The following SCNM1 variants were observed in gnomAD, a reference collection of about 807,000 sequenced individuals.
SCNM1 encodes the protein sodium channel modifier 1.
Under a neutral mutation model 32.8 loss-of-function variants are expected in SCNM1, and 24 were observed. The ratio of observed to expected loss-of-function variants is 0.73; its 90% confidence interval spans 0.53 to 1.03. SCNM1 has a LOEUF of 1.03. Among genes scored for constraint, SCNM1 ranks in the 50% least tolerant of loss-of-function variants. The pLI is 0.00. For synonymous variants in SCNM1, 99 were observed against 103.2 expected (o/e 0.96, Z 0.25); for missense variants, 274 against 282.3 (o/e 0.97, Z 0.21).
chr1:151,168,412 C>CTT (rs373666513), intron 6 of SCNM1, 74 bp downstream of exon 6: 496 of 1,222,086 alleles, frequency 4.1e-4, no homozygotes, highest in South Asian at 6.7e-4. Context: ...ATTGTTTTTC[C>CTT]TTTTTTTTTT....
chr1:151,167,483 G>C, intron 5 of SCNM1, 69 bp downstream of exon 5: 1 of 1,580,858 alleles, frequency 6.3e-7, no homozygotes, highest in South Asian at 1.1e-5. Flanking sequence ...GAGTTTTCCA[G>C]TGTGTATTCT....
Position 151,168,977 on chromosome 1 carries a change from T to C in SCNM1, c.594-9T>C, listed in dbSNP as rs1023260705. On this transcript the variant is annotated splice_polypyrimidine_tract_variant and intron_variant, in intron 6 of 6. Transcript: ENST00000368905. ...TCCTGATCGATGCTATTTTCTCTGA[T>C]GTTTCCAGCTCTGGATGGATCCCAG... The C allele has an allele frequency of 6.2e-7, 1 of 1,613,932 alleles. No homozygotes were observed. The highest frequency in any genetic ancestry group is 8.5e-7 in the Non-Finnish European group (1 of 1,179,978).
rs1206983205 is a variant in SCNM1, at chr1:151,169,647, G to C, written c.*562G>C. ...CTATTAATAAGACTGTCAAAAAGAG[G>C]TCTTTGCCCTTCATGTTGTCTGCCT... On this transcript the variant is annotated 3_prime_UTR_variant, in exon 7 of 7. Transcript: ENST00000368905. 1 of 205,236 alleles carries C rather than the reference G, an allele frequency of 4.9e-6. No individual in the cohort carries two copies. Among genetic ancestry groups the C allele is most frequent in the African/African-American group, 2.3e-5 (1 of 42,834 alleles). 12.7% of individuals were successfully genotyped at this position (205,236 alleles called of 1,614,324 possible).
rs1115 is a variant in SCNM1 at position 151,168,256 on chromosome 1, G to T, written c.511G>T (p.Glu171Ter). The change falls in exon 6 of 7, where the codon GAG becomes TAG. Residue 171 changes from glutamate (E) to a stop codon, truncating the protein, a stop_gained. Transcript: ENST00000368905. LOFTEE classifies it high-confidence loss of function. ...TGAACCTGCGGCTGGCCCACAGGCC[G>T]AGGAGTCAGCAACTGTCTCAGCCCC... ...EPEPAAGPQA[E>*]ESATVSAPAP... 6.2e-7 allele frequency: 1 copy of T among 1,614,046 alleles called. No homozygotes were observed. The highest frequency in any genetic ancestry group is 1.3e-5 in the African/African-American group (1 of 74,906).
At position 151,169,294 on chromosome 1, in the gene SCNM1, G is replaced by GA. The variant is rs1683864204; in HGVS notation, c.*210dup. On this transcript the variant is annotated 3_prime_UTR_variant, in exon 7 of 7. Transcript: ENST00000368905. ...GAGTCTCGCTCTATCGCCCAGGCTGGAGTGCAGTGGCACGATCTCGGCTCA... is the reference window on the plus strand; with the variant it reads ...GAGTCTCGCTCTATCGCCCAGGCTGGAAGTGCAGTGGCACGATCTCGGCTCA... 1 of 467,348 alleles carries GA rather than the reference G, an allele frequency of 2.1e-6. No homozygotes were observed. The highest frequency in any genetic ancestry group is 2.0e-5 in the African/African-American group (1 of 48,978). 29.0% of individuals were successfully genotyped at this position (467,348 alleles called of 1,614,324 possible). A position where few individuals can be genotyped will look rare whatever the true frequency, so the allele number is the denominator to read the frequency against.
At position 151,168,267 on chromosome 1, in the gene SCNM1, A is replaced by T. The variant is rs1258500246; in HGVS notation, c.522A>T (p.Ala174=). The part of the protein sequence containing the change: ...PAAGPQAEES[A]TVSAPAPMSP... ...CTGGCCCACAGGCCGAGGAGTCAGCAACTGTCTCAGCCCCTGCACCCATGA... is the reference window on the plus strand; with the variant it reads ...CTGGCCCACAGGCCGAGGAGTCAGCTACTGTCTCAGCCCCTGCACCCATGA... Residue 174 remains alanine (A), a synonymous_variant, in exon 6 of 7, where the codon GCA becomes GCT. Transcript: ENST00000368905. 6.2e-7 allele frequency: 1 copy of T among 1,614,080 alleles called. No individual in the cohort carries two copies. The highest frequency in any genetic ancestry group is 8.5e-7 in the Non-Finnish European group (1 of 1,180,038).
rs757311146 is a variant in SCNM1, at chr1:151,168,131, C to A, written c.399-13C>A. The A allele has an allele frequency of 6.3e-7, 1 of 1,591,422 alleles. No homozygotes were observed. The highest frequency in any genetic ancestry group is 8.6e-7 in the Non-Finnish European group (1 of 1,168,988). ...TCCCTTACTGCTTTTACAGACTATTCTTCTCTACCTAGACCAGAAGCCCCT... is the reference window on the plus strand; with the variant it reads ...TCCCTTACTGCTTTTACAGACTATTATTCTCTACCTAGACCAGAAGCCCCT... On this transcript the variant is annotated splice_polypyrimidine_tract_variant and intron_variant, in intron 5 of 6. Transcript: ENST00000368905.
In SCNM1 at chr1:151,166,468, C is replaced by T; in HGVS notation, c.52-3C>T. 1.2e-6 allele frequency: 2 copies of T among 1,613,998 alleles called. No homozygotes were observed. The highest frequency in any genetic ancestry group is 1.7e-6 in the Non-Finnish European group (2 of 1,179,990). On this transcript the variant is annotated splice_region_variant and splice_polypyrimidine_tract_variant and intron_variant, in intron 1 of 6. Coordinates refer to ENST00000368905, the MANE Select transcript of SCNM1 (RefSeq NM_024041.4). Reference sequence around the variant, plus strand: ...TCCGGATTTCTTCCCCTACTCCCTGCAGAAAAGAAGAGTCGGGGACCTCCT... The same window carrying T: ...TCCGGATTTCTTCCCCTACTCCCTGTAGAAAAGAAGAGTCGGGGACCTCCT...
chr1:151,167,496 G>A, intron 5 of SCNM1, 82 bp downstream of exon 5: 1 of 1,531,664 alleles, frequency 6.5e-7, no homozygotes, highest in South Asian at 1.1e-5. Flanking sequence ...TGTATTCTGA[G>A]GAATACTAGT....
chr1:151,168,328 AC>A lies in SCNM1; in HGVS notation c.586del (p.Leu196PhefsTer15). On this transcript the variant is annotated frameshift_variant, in exon 6 of 7. Coordinates refer to ENST00000368905, the MANE Select transcript of SCNM1 (RefSeq NM_024041.4). LOFTEE classifies it high-confidence loss of function. ...TRRRALDHYL[T>X]LRSSGWIPDG... Reference sequence around the variant, plus strand: ...AAGACGAGCCCTGGACCATTATCTCACCCTTCGAAGGTGAGTATGCCTAATC... The same window carrying A: ...AAGACGAGCCCTGGACCATTATCTCACCTTCGAAGGTGAGTATGCCTAATC... The A allele has an allele frequency of 1.3e-6, 2 of 1,596,388 alleles. No homozygotes were observed. The highest frequency in any genetic ancestry group is 1.7e-6 in the Non-Finnish European group (2 of 1,170,556).
In SCNM1 at chr1:151,167,225, A is replaced by G; in HGVS notation, c.309+7A>G. ...GGAAGAAACCAAAGCTGAGGTAATCAGAGAGTGGAGAGTGTGTTCTAGGCA... is the reference window on the plus strand; with the variant it reads ...GGAAGAAACCAAAGCTGAGGTAATCGGAGAGTGGAGAGTGTGTTCTAGGCA... On this transcript the variant is annotated splice_region_variant and intron_variant, in intron 4 of 6. Coordinates refer to ENST00000368905, the MANE Select transcript of SCNM1 (RefSeq NM_024041.4). 1 of 1,614,186 alleles carries G rather than the reference A, an allele frequency of 6.2e-7. No homozygotes were observed. Among genetic ancestry groups the G allele is most frequent in the Non-Finnish European group, 8.5e-7 (1 of 1,180,022 alleles).
intron 6 of SCNM1, 70 bp from the exon 7 acceptor site, chr1:151,168,916 G>A: frequency 6.4e-7 from 1 of 1,572,008 alleles, no homozygotes; most frequent in Non-Finnish European, 8.7e-7. Context: ...GGGATTACTG[G>A]TGTGAGCTCA....
Position 151,167,106 on chromosome 1 carries a change from T to C in SCNM1, c.212-15T>C. 1 of 1,614,154 alleles carries C rather than the reference T, an allele frequency of 6.2e-7. No individual in the cohort carries two copies. The highest frequency in any genetic ancestry group is 1.1e-5 in the South Asian group (1 of 91,086). ...TTGGTGCTATGCTTTTAATTCTGTT[T>C]CCCTTTCTCCTCAGGCTTGCAGCTT... On this transcript the variant is annotated splice_polypyrimidine_tract_variant and intron_variant, in intron 3 of 6. Transcript: ENST00000368905.
In SCNM1 at chr1:151,168,236, C is replaced by G; in HGVS notation, c.491C>G (p.Pro164Arg). ...QSGKISREPE[P>R]AAGPQAEESA... The stretch of plus-strand genomic sequence containing the variant: ...GGGAAGATCAGTAGGGAACCTGAAC[C>G]TGCGGCTGGCCCACAGGCCGAGGAG... The change falls in exon 6 of 7, where the codon CCT becomes CGT. Residue 164 changes from proline (P) to arginine (R), a missense_variant. By Grantham distance (103) the Pro-to-Arg change is moderately radical. Coordinates refer to ENST00000368905, the MANE Select transcript of SCNM1 (RefSeq NM_024041.4). The G allele has an allele frequency of 6.2e-7, 1 of 1,614,210 alleles. No homozygotes were observed. The highest frequency in any genetic ancestry group is 8.5e-7 in the Non-Finnish European group (1 of 1,180,044).
chr1:151,166,921 T>C lies in SCNM1; in HGVS notation c.123-13T>C, dbSNP rs1683731580. The C allele has an allele frequency of 6.2e-7, 1 of 1,613,852 alleles. No individual in the cohort carries two copies. Among genetic ancestry groups the C allele is most frequent in the Non-Finnish European group, 8.5e-7 (1 of 1,180,002 alleles). On this transcript the variant is annotated splice_polypyrimidine_tract_variant and intron_variant, in intron 2 of 6. Coordinates refer to ENST00000368905, the MANE Select transcript of SCNM1 (RefSeq NM_024041.4). ...CCCCTGGACCACTTATCCTCTTCTC[T>C]ACCCCTGCTCAGCTTTGCTTGTGCC...
At position 151,168,334 on chromosome 1, in the gene SCNM1, C is replaced by G; in HGVS notation, c.589C>G (p.Arg197Gly). ...AGCCCTGGACCATTATCTCACCCTTCGAAGGTGAGTATGCCTAATCAGTTT... is the reference window on the plus strand; with the variant it reads ...AGCCCTGGACCATTATCTCACCCTTGGAAGGTGAGTATGCCTAATCAGTTT... ...RRALDHYLTL[R>G]SSGWIPDGRG... The change falls in exon 6 of 7, where the codon CGA becomes GGA. Residue 197 changes from arginine (R) to glycine (G), a missense_variant. Transcript: ENST00000368905. 2 of 1,603,854 alleles carry G rather than the reference C, an allele frequency of 1.2e-6. No individual in the cohort carries two copies. Among genetic ancestry groups the G allele is most frequent in the Non-Finnish European group, 1.7e-6 (2 of 1,174,274 alleles).
At chr1:151,168,107 C>G in intron 5 of SCNM1, 37 bp from the exon 6 acceptor site, 1 of 1,553,094 alleles carries the variant, frequency 6.4e-7, no homozygotes. Flanking sequence ...TTGGCCCTTT[C>G]CCTTACTGCT....
Position 151,169,184 on chromosome 1 carries a change from T to C in SCNM1, c.*99T>C, listed in dbSNP as rs1398144549. ...TTGTTGGATCTCAGGATTTCAGATC[T>C]GTTCATTCTCATTCCAACTACTCCT... On this transcript the variant is annotated 3_prime_UTR_variant, in exon 7 of 7. Coordinates refer to ENST00000368905, the MANE Select transcript of SCNM1 (RefSeq NM_024041.4). 1.4e-6 allele frequency: 2 copies of C among 1,397,540 alleles called. No individual in the cohort carries two copies. Among genetic ancestry groups the C allele is most frequent in the Admixed American group, 1.8e-5 (1 of 54,960 alleles). The allele number at this position is 1,397,540 out of a possible 1,614,324, so 86.6% of individuals were successfully genotyped here. A position where few individuals can be genotyped will look rare whatever the true frequency, so the allele number is the denominator to read the frequency against.
At chr1:151,166,433 G>C (rs746487452) in intron 1 of SCNM1, 38 bp from the exon 2 acceptor site, 34 of 1,612,684 alleles carry the variant, frequency 2.1e-5, no homozygotes, top group Non-Finnish European at 2.8e-5. Context: ...CTCCTATCCC[G>C]CTGATCCCGT....
Sources: allele counts gnomAD v4.1 joint callset, GRCh38; gene constraint gnomAD v4.1.1; transcripts MANE v1.5; gene names NCBI Gene and HGNC (gene_info 2026-07-23, HGNC 2026-07-21).